PNPLA1: variants seen among roughly 807,000 people sequenced by gnomAD.
PNPLA1 encodes omega-hydroxyceramide transacylase.
Under a neutral mutation model 51.7 loss-of-function variants are expected in PNPLA1, and 36 were observed. That is an observed-to-expected ratio of 0.70 (90% CI 0.53 to 0.92). PNPLA1 has a LOEUF of 0.92. PNPLA1 is among the 40% of genes least tolerant of loss of function. The pLI is 0.00. For synonymous variants in PNPLA1, 293 were observed against 280.1 expected (o/e 1.05, Z -0.46); for missense variants, 658 against 682.5 (o/e 0.96, Z 0.40).
At chr6:36,277,816 AT>A (rs1353768176) in intron 1 of PNPLA1, among the ~76,000 whole-genome samples, 1 of 152,226 alleles carries the variant, frequency 6.6e-6, no homozygotes, top group East Asian at 1.9e-4. Context: ...GTGAACTATG[AT>A]TCTGCCATTG....
intron 1 of PNPLA1, among the ~76,000 whole-genome samples, chr6:36,279,303 G>A (rs1039025952): frequency 6.6e-6 from 1 of 152,196 alleles, no homozygotes; most frequent in Non-Finnish European, 1.5e-5. Flanking sequence ...TGTTTTGGTT[G>A]GCCTCCCACA....
At chr6:36,251,994 G>A (rs1306828979) in intron 1 of PNPLA1, among the ~76,000 whole-genome samples, 7 of 152,128 alleles carry the variant, frequency 4.6e-5, no homozygotes, top group Non-Finnish European at 1.5e-5. Context: ...ATGAATGAAC[G>A]ATTAGTTAAA....
rs1485059727 is a variant in PNPLA1 at position 36,307,677 on chromosome 6, A to G, written c.1560A>G (p.Arg520=). ...KTSGTRKGFP[R]HSGSKKPSSK... ...GTGGCACCAGAAAAGGCTTCCCAAG[A>G]CATTCGGGATCCAAAAAACCAAGCA... Residue 520 remains arginine (R), a synonymous_variant, in exon 8 of 9, where the codon AGA becomes AGG. Transcript: ENST00000636260. 3 of 1,614,094 alleles carry G rather than the reference A, an allele frequency of 1.9e-6. No homozygotes were observed. The highest frequency in any genetic ancestry group is 2.7e-5 in the African/African-American group (2 of 75,032).
chr6:36,272,941 C>T (rs1226458087), intron 1 of PNPLA1, among the ~76,000 whole-genome samples: 4 of 151,974 alleles, frequency 2.6e-5, no homozygotes, highest in South Asian at 2.1e-4. Context: ...TCAAACAGTG[C>T]GAAAGTGTAT....
chr6:36,293,210 G>T, intron 3 of PNPLA1, 84 bp downstream of exon 3: 2 of 1,389,080 alleles, frequency 1.4e-6, no homozygotes, highest in South Asian at 1.2e-5. Context: ...GAGCAGGGGG[G>T]TGGTCTCAGA....
In PNPLA1 at chr6:36,303,703, A is replaced by G. The variant is rs1176319537; in HGVS notation, c.1384+1234A>G. ...AAAAATCAGCCAAACTTGGTGGTGC[A>G]TGCCTGTAATCCCAGCTACTTGGGA... On this transcript the variant is annotated intron_variant, in intron 6 of 8. Transcript: ENST00000636260. 6.6e-5 allele frequency among the ~76,000 whole-genome samples: 10 copies of G among 152,306 alleles called. No individual in the cohort carries two copies. The East Asian group carries it at 1.2e-3, about 18-fold the overall frequency.
At position 36,293,780 on chromosome 6, in the gene PNPLA1, C is replaced by T. The variant is rs76451173; in HGVS notation, c.505-410C>T. On this transcript the variant is annotated intron_variant, in intron 3 of 8. Transcript: ENST00000636260. ...TAGAGCCTCAGTATTTGTTGTCCTT[C>T]GTTCATAGGTGAGAAAACAGAAGCC... Among the ~76,000 whole-genome samples, 1,403 of 152,304 alleles carry T rather than the reference C, an allele frequency of 9.2e-3. 20 individuals carry two copies. The highest frequency in any genetic ancestry group is 0.031 in the African/African-American group (1,290 of 41,568).
At chr6:36,296,778 A>G (rs1770870195) in intron 5 of PNPLA1, among the ~76,000 whole-genome samples, 1 of 151,944 alleles carries the variant, frequency 6.6e-6, no homozygotes, top group Non-Finnish European at 1.5e-5. Flanking sequence ...CCCCCATCCC[A>G]CCCACAAGCT....
intron 5 of PNPLA1, among the ~76,000 whole-genome samples, chr6:36,297,865 T>TACACACACACACAC (rs112771131): frequency 0.028 from 3,805 of 133,736 alleles, 136 homozygotes; most frequent in African/African-American, 0.081. Flanking sequence ...TGTCTCTCTG[T>TACACACACACACAC]ACACACACAC....
chr6:36,272,163 A>G (rs1459718704), intron 1 of PNPLA1, among the ~76,000 whole-genome samples: 1 of 152,182 alleles, frequency 6.6e-6, no homozygotes, highest in Admixed American at 6.5e-5. Context: ...ACAACTCACC[A>G]TAAGGTAGAA....
Position 36,300,178 on chromosome 6 carries a change from T to TGTGAGA in PNPLA1, c.776-1682_776-1681insTGAGAG. ...TCTTATTCTTGTGTGTGTGTGTGTG[T>TGTGAGA]GAGAGAGAGAGAGAGAGAGAGAGAG... On this transcript the variant is annotated intron_variant, in intron 5 of 8. Coordinates refer to ENST00000636260, the MANE Select transcript of PNPLA1 (RefSeq NM_001374623.1). Among the ~76,000 whole-genome samples the TGTGAGA allele has an allele frequency of 6.3e-4, 62 of 98,144 alleles. 1 individual carries two copies. Among genetic ancestry groups the TGTGAGA allele is most frequent in the African/African-American group, 1.3e-3 (38 of 30,122 alleles). 64.4% of individuals were successfully genotyped at this position (98,144 alleles called of 152,430 possible).
Position 36,270,576 on chromosome 6 carries a change from C to T in PNPLA1, c.117C>T (p.Ala39=). Residue 39 remains alanine, a synonymous_variant, in exon 1 of 9, where the codon GCC becomes GCT. Coordinates refer to ENST00000636260, the MANE Select transcript of PNPLA1 (RefSeq NM_001374623.1). ...AGAVDALRDL[A]PRMLETAHRF... is the part of the protein sequence containing the mutation. ...CTGTGGACGCCCTGCGGGACCTGGC[C>T]CCCCGGATGCTGGAAACAGCCCACC... is the stretch of plus-strand genomic sequence containing the variant. 6.4e-7 allele frequency: 1 copy of T among 1,551,638 alleles called. No individual in the cohort carries two copies.
Position 36,305,395 on chromosome 6 carries a change from A to G in PNPLA1, c.1385-897A>G, listed in dbSNP as rs1350637548. On this transcript the variant is annotated intron_variant, in intron 6 of 8. Coordinates refer to ENST00000636260, the MANE Select transcript of PNPLA1 (RefSeq NM_001374623.1). ...TTAAAAGCCCTAGGAATATCCAAAA[A>G]CAAAAGGACAAGCCTCATTGTGAAT... 2.6e-5 allele frequency among the ~76,000 whole-genome samples: 4 copies of G among 152,238 alleles called. No individual in the cohort carries two copies. In the South Asian group the frequency reaches 6.2e-4, roughly 24 times the overall value.
rs139222686 is a variant in PNPLA1, at chr6:36,272,943, A to G, written c.205+2279A>G. Among the ~76,000 whole-genome samples, 92 of 152,338 alleles carry G rather than the reference A, an allele frequency of 6.0e-4. No homozygotes were observed. In the East Asian group the frequency reaches 0.016, roughly 27 times the overall value. On this transcript the variant is annotated intron_variant, in intron 1 of 8. Transcript: ENST00000636260. ...CACTGGACAAAATTCAAACAGTGCG[A>G]AAGTGTATAGAGTAAAAGTAGAAAA...
upstream of PNPLA1, among the ~76,000 whole-genome samples, chr6:36,267,424 G>A (rs1769784911): frequency 3.9e-5 from 6 of 152,176 alleles, no homozygotes; most frequent in South Asian, 4.1e-4. Context: ...GTATAGTCAC[G>A]GATTTCTGGC....
intron 4 of PNPLA1, 72 bp from the exon 5 acceptor site, chr6:36,295,292 C>A: frequency 2.6e-6 from 4 of 1,513,746 alleles, no homozygotes; most frequent in Non-Finnish European, 3.7e-6. Flanking sequence ...GAGTAGCTGC[C>A]CTGGGTCGGG....
chr6:36,295,974 A>G (rs1359981971), intron 5 of PNPLA1, among the ~76,000 whole-genome samples: 2 of 152,228 alleles, frequency 1.3e-5, no homozygotes, highest in African/African-American at 2.4e-5. Context: ...TTCCAATGAC[A>G]TGTCTTTTAT....
chr6:36,295,272 A>G, intron 4 of PNPLA1, 92 bp from the exon 5 acceptor site: 1 of 1,298,592 alleles, frequency 7.7e-7, no homozygotes, highest in Non-Finnish European at 1.1e-6. Context: ...ATAAAATTCA[A>G]GAGCAATGGG....
intron 3 of PNPLA1, among the ~76,000 whole-genome samples, chr6:36,293,751 G>A (rs1254722186): frequency 6.6e-6 from 1 of 152,224 alleles, no homozygotes; most frequent in Non-Finnish European, 1.5e-5. Flanking sequence ...CCAGCCCTGA[G>A]AGTTAGAGCC....
Sources: gnomAD v4.1 joint callset for allele counts (sites outside exome capture counted in the v4.1 genomes callset) on GRCh38, gnomAD v4.1.1 for gene constraint, MANE v1.5 for transcripts, NCBI Gene and HGNC (gene_info 2026-07-23, HGNC 2026-07-21) for gene names.